SLC16A12: variants seen among roughly 807,000 people sequenced by gnomAD.
SLC16A12 encodes the protein monocarboxylate transporter 12.
Under a neutral mutation model 42.4 loss-of-function variants are expected in SLC16A12, and 17 were observed. That is an observed-to-expected ratio of 0.40 (90% CI 0.27 to 0.60). The LOEUF is 0.60. Among genes scored for constraint, SLC16A12 ranks in the 20% least tolerant of loss-of-function variants. The pLI is 0.42. For synonymous variants in SLC16A12, 224 were observed against 229.4 expected, an observed-to-expected ratio of 0.98 and a Z score of 0.21; for missense variants, 544 against 623.0, an observed-to-expected ratio of 0.87 and a Z score of 1.35.
chr10:89,552,489 A>G (rs1009226580), intron 2 of SLC16A12, among the ~76,000 whole-genome samples: 3 of 152,176 alleles, frequency 2.0e-5, no homozygotes, highest in Non-Finnish European at 4.4e-5. Context: ...ACTATGGCAC[A>G]ACAGCACATT....
chr10:89,470,274 T>C (rs887183986), intron 2 of SLC16A12, among the ~76,000 whole-genome samples: 1 of 152,206 alleles, frequency 6.6e-6, no homozygotes, highest in South Asian at 2.1e-4. Flanking sequence ...GGTGATGAGC[T>C]GCCCATGTTT....
At chr10:89,486,917 T>TA (rs1326433035) in intron 2 of SLC16A12, among the ~76,000 whole-genome samples, 1 of 152,192 alleles carries the variant, frequency 6.6e-6, no homozygotes, top group Non-Finnish European at 1.5e-5. Flanking sequence ...AAGCAACAGA[T>TA]ACAGTGTTCA....
At chr10:89,441,337 A>C in intron 4 of SLC16A12, 86 bp from the exon 5 acceptor site, 1 of 1,549,600 alleles carries the variant, frequency 6.5e-7, no homozygotes, top group Non-Finnish European at 8.8e-7. Context: ...AGAGGAGAGA[A>C]CCTTTAAAGC....
intron 5 of SLC16A12, among the ~76,000 whole-genome samples, chr10:89,440,093 A>G (rs1231731390): frequency 1.3e-5 from 2 of 151,318 alleles, no homozygotes; most frequent in African/African-American, 4.9e-5. Context: ...AAAAAAAAAA[A>G]AAAAAAAGAT....
intron 7 of SLC16A12, among the ~76,000 whole-genome samples, chr10:89,434,933 G>C (rs761129751): frequency 2.0e-5 from 3 of 152,204 alleles, no homozygotes; most frequent in Non-Finnish European, 4.4e-5. Flanking sequence ...TCTGATGCAG[G>C]TGGTGTAGAC....
At chr10:89,465,517 C>A (rs748080026) in intron 2 of SLC16A12, among the ~76,000 whole-genome samples, 1 of 152,170 alleles carries the variant, frequency 6.6e-6, no homozygotes, top group Non-Finnish European at 1.5e-5. Context: ...CACTCTGGAG[C>A]TTCAGAATAA....
At chr10:89,457,835 A>G (rs1403632218) in intron 3 of SLC16A12, among the ~76,000 whole-genome samples, 2 of 152,148 alleles carry the variant, frequency 1.3e-5, no homozygotes, top group South Asian at 2.1e-4. Context: ...CTGTAATGCT[A>G]TTGTAATTTG....
intron 2 of SLC16A12, among the ~76,000 whole-genome samples, chr10:89,470,309 C>A (rs965673780): frequency 1.3e-5 from 2 of 152,186 alleles, no homozygotes; most frequent in Non-Finnish European, 2.9e-5. Flanking sequence ...TTCCCACTCC[C>A]TAAGTCTTGA....
chr10:89,522,884 C>T (rs959111481), intron 2 of SLC16A12, among the ~76,000 whole-genome samples: 1 of 152,192 alleles, frequency 6.6e-6, no homozygotes. Context: ...GCCCAAAACA[C>T]GTTAGCTATT....
intron 5 of SLC16A12, among the ~76,000 whole-genome samples, 174 bp downstream of exon 5, chr10:89,440,934 G>T (rs1435456632): frequency 6.6e-6 from 1 of 152,170 alleles, no homozygotes; most frequent in African/African-American, 2.4e-5. Flanking sequence ...ATTTTCATTA[G>T]GGTAATGTAA....
At chr10:89,464,118 C>T (rs1842352253) in intron 2 of SLC16A12, among the ~76,000 whole-genome samples, 2 of 152,224 alleles carry the variant, frequency 1.3e-5, no homozygotes, top group African/African-American at 4.8e-5. Context: ...GGCAGGGAAC[C>T]ATGGGCAGCC....
In SLC16A12 at chr10:89,462,643, A is replaced by G. The variant is rs3740031; in HGVS notation, c.-46-19T>C. The G allele has an allele frequency of 1.3e-6, 2 of 1,526,402 alleles. No homozygotes were observed. The highest frequency in any genetic ancestry group is 1.4e-5 in the African/African-American group (1 of 72,156). 94.6% of individuals were successfully genotyped at this position (1,526,402 alleles called of 1,614,324 possible). A position where few individuals can be genotyped will look rare whatever the true frequency, so the allele number is the denominator to read the frequency against. ...TCGCCATCTAAAACCAAAAATCAGG[A>G]CATATTTATATCTTATTGCTATGTC... On this transcript the variant is annotated intron_variant, in intron 2 of 7. Coordinates refer to ENST00000371790, the MANE Select transcript of SLC16A12 (RefSeq NM_213606.4).
intron 2 of SLC16A12, among the ~76,000 whole-genome samples, chr10:89,493,332 C>T (rs1842875302): frequency 6.6e-6 from 1 of 151,710 alleles, no homozygotes; most frequent in African/African-American, 2.4e-5. Flanking sequence ...TAGCGATTCT[C>T]ATGCCTCTGC....
chr10:89,440,439 CCTT>C (rs1707452506), intron 5 of SLC16A12, among the ~76,000 whole-genome samples: 1 of 152,188 alleles, frequency 6.6e-6, no homozygotes, highest in South Asian at 2.1e-4. Flanking sequence ...CCTTTATTGA[CCTT>C]ATTCACGCCA....
At chr10:89,494,154 A>G (rs2133811278) in intron 2 of SLC16A12, among the ~76,000 whole-genome samples, 1 of 152,322 alleles carries the variant, frequency 6.6e-6, no homozygotes, top group East Asian at 1.9e-4. Context: ...TAAATAGAGG[A>G]AATGTTTTAA....
At chr10:89,539,887 T>TTC (rs1843702630), upstream of SLC16A12, among the ~76,000 whole-genome samples, 1 of 147,206 alleles carries the variant, frequency 6.8e-6, no homozygotes, top group Non-Finnish European at 1.5e-5. Context: ...CTTTCTTTCT[T>TTC]TCTTTCTTTC....
chr10:89,438,157 C>G (rs1398499509), intron 6 of SLC16A12, among the ~76,000 whole-genome samples: 5 of 152,204 alleles, frequency 3.3e-5, no homozygotes, highest in Admixed American at 3.3e-4. Context: ...TTAGACACAT[C>G]TGGCCCATGA....
rs184703418 is a variant in SLC16A12, at chr10:89,445,923, G to A, written c.201-2064C>T. Among the ~76,000 whole-genome samples the A allele has an allele frequency of 2.2e-3, 337 of 152,244 alleles. 1 individual carries two copies. The highest frequency in any genetic ancestry group is 3.9e-3 in the Non-Finnish European group (264 of 68,018). ...AGAGAAGACCTTAAATGACCTGATGGAGCTGAAAACCATGGTATGAGAACT... is the reference window on the plus strand; with the variant it reads ...AGAGAAGACCTTAAATGACCTGATGAAGCTGAAAACCATGGTATGAGAACT... On this transcript the variant is annotated intron_variant, in intron 3 of 7. Coordinates refer to ENST00000371790, the MANE Select transcript of SLC16A12 (RefSeq NM_213606.4).
intron 3 of SLC16A12, among the ~76,000 whole-genome samples, chr10:89,455,726 C>T (rs1279717217): frequency 6.6e-6 from 1 of 152,170 alleles, no homozygotes; most frequent in African/African-American, 2.4e-5. Flanking sequence ...GAATATTTTA[C>T]AGTGAAGCAG....
Sources: gnomAD v4.1 joint callset for allele counts (sites outside exome capture counted in the v4.1 genomes callset) on GRCh38, gnomAD v4.1.1 for gene constraint, MANE v1.5 for transcripts, NCBI Gene and HGNC (gene_info 2026-07-23, HGNC 2026-07-21) for gene names.